The following CNTN3 variants were observed in gnomAD, a reference collection of about 807,000 sequenced individuals.
CNTN3 encodes the protein contactin 3, also known as contactin-3.
Under a neutral mutation model 119.1 loss-of-function variants are expected in CNTN3, and 60 were observed. The observed-to-expected ratio is 0.50, with a 90% CI of 0.41 to 0.62. The LOEUF is 0.62. CNTN3 is among the 20% of genes least tolerant of loss of function. The pLI, the probability that CNTN3 is intolerant of heterozygous loss-of-function variation, is 0.00. For synonymous variants in CNTN3, 450 were observed against 438.7 expected (o/e 1.03, Z -0.32); for missense variants, 1,101 against 1,242.4 (o/e 0.89, Z 1.71).
At chr3:74,455,872 G>C (rs11917860) in intron 4 of CNTN3, among the ~76,000 whole-genome samples, 5,254 of 152,092 alleles carry the variant, frequency 0.035, 303 homozygotes, top group African/African-American at 0.12. Flanking sequence ...ACCCAGGAGG[G>C]TCTGAAGCAA....
chr3:74,601,736 C>T (rs1213232452), intron 1 of CNTN3, among the ~76,000 whole-genome samples: 5 of 152,070 alleles, frequency 3.3e-5, no homozygotes, highest in Non-Finnish European at 7.4e-5. Flanking sequence ...CCACCCTTGA[C>T]TTGGGTTTGG....
At chr3:74,508,260 T>C (rs545429560) in intron 2 of CNTN3, among the ~76,000 whole-genome samples, 1 of 152,272 alleles carries the variant, frequency 6.6e-6, no homozygotes, top group South Asian at 2.1e-4. Context: ...TGTGAAGAAA[T>C]GCCTTGCTGC....
intron 1 of CNTN3, among the ~76,000 whole-genome samples, chr3:74,561,612 C>T (rs1251694368): frequency 6.6e-6 from 1 of 152,104 alleles, no homozygotes; most frequent in African/African-American, 2.4e-5. Context: ...CAGAAGTGTC[C>T]TTCTTCCCCT....
chr3:74,358,530 G>C (rs930898381), intron 11 of CNTN3, among the ~76,000 whole-genome samples: 3 of 150,962 alleles, frequency 2.0e-5, no homozygotes, highest in Middle Eastern at 3.5e-3. Flanking sequence ...GTATAAGGAA[G>C]AGTGTTGTAT....
intron 1 of CNTN3, among the ~76,000 whole-genome samples, chr3:74,551,431 A>C (rs1200601737): frequency 2.0e-5 from 3 of 152,040 alleles, no homozygotes; most frequent in Admixed American, 1.3e-4. Flanking sequence ...CAATATCCCC[A>C]ACCAGGGTGG....
chr3:74,299,353 C>A (rs1702407919), intron 17 of CNTN3, among the ~76,000 whole-genome samples: 1 of 152,148 alleles, frequency 6.6e-6, no homozygotes, highest in Non-Finnish European at 1.5e-5. Flanking sequence ...CTTTTTCCTA[C>A]TGATGATGTA....
chr3:74,427,908 G>C (rs1387247201), intron 4 of CNTN3, among the ~76,000 whole-genome samples: 1 of 152,040 alleles, frequency 6.6e-6, no homozygotes, highest in Non-Finnish European at 1.5e-5. Context: ...TAAATAAATG[G>C]AGACACATAC....
chr3:74,613,620 G>C (rs1705119201), intron 1 of CNTN3, among the ~76,000 whole-genome samples: 1 of 152,180 alleles, frequency 6.6e-6, no homozygotes, highest in Non-Finnish European at 1.5e-5. Context: ...GAGTTGTACG[G>C]AGCTTTGCAC....
intron 11 of CNTN3, among the ~76,000 whole-genome samples, chr3:74,359,451 T>C (rs1439594038): frequency 6.6e-6 from 1 of 152,120 alleles, no homozygotes; most frequent in Admixed American, 6.6e-5. Flanking sequence ...AATTTTTGTG[T>C]TCAAAAATCT....
At chr3:74,588,093 C>A (rs920540590) in intron 1 of CNTN3, among the ~76,000 whole-genome samples, 5 of 152,086 alleles carry the variant, frequency 3.3e-5, no homozygotes, top group African/African-American at 4.8e-5. Context: ...TGCTGGATTA[C>A]ATTTATTGAT....
chr3:74,604,745 G>A (rs553962034), intron 1 of CNTN3, among the ~76,000 whole-genome samples: 1 of 152,130 alleles, frequency 6.6e-6, no homozygotes, highest in African/African-American at 2.4e-5. Flanking sequence ...AGTATGGAGG[G>A]TCCTCAAATA....
At chr3:74,518,776 G>C (rs549787918) in intron 2 of CNTN3, among the ~76,000 whole-genome samples, 196 of 152,002 alleles carry the variant, frequency 1.3e-3, no homozygotes, top group African/African-American at 4.5e-3. Context: ...ACATAGAATG[G>C]AAGAATGCTA....
intron 1 of CNTN3, among the ~76,000 whole-genome samples, chr3:74,548,987 A>T (rs1271290972): frequency 6.6e-6 from 1 of 152,194 alleles, no homozygotes; most frequent in East Asian, 1.9e-4. Flanking sequence ...TAACATGGAC[A>T]TTCTACAGAA....
intron 11 of CNTN3, among the ~76,000 whole-genome samples, chr3:74,339,916 T>C (rs1440734371): frequency 6.6e-6 from 1 of 151,480 alleles, no homozygotes; most frequent in African/African-American, 2.4e-5. Flanking sequence ...GATAGATAGA[T>C]AGATAGATAG....
intron 1 of CNTN3, among the ~76,000 whole-genome samples, chr3:74,611,436 C>T (rs566182467): frequency 6.6e-6 from 1 of 152,138 alleles, no homozygotes. Context: ...GTGCATTTCT[C>T]CTGCAGCAAT....
At chr3:74,489,471 T>C (rs568661204) in intron 3 of CNTN3, among the ~76,000 whole-genome samples, 15 of 129,134 alleles carry the variant, frequency 1.2e-4, no homozygotes, top group African/African-American at 3.8e-4. Flanking sequence ...TCCCTTCCTC[T>C]CTCCCTCCCT....
intron 2 of CNTN3, among the ~76,000 whole-genome samples, chr3:74,508,660 T>C (rs1165225767): frequency 1.3e-5 from 2 of 151,984 alleles, no homozygotes; most frequent in Admixed American, 6.6e-5. Context: ...ACTTTTTTCC[T>C]TTATATTCTA....
chr3:74,277,114 C>A (rs1701898181), intron 20 of CNTN3, among the ~76,000 whole-genome samples: 1 of 152,084 alleles, frequency 6.6e-6, no homozygotes. Context: ...AGACCAATAA[C>A]AAGCAGTGAG....
chr3:74,420,714 A>C (rs1431429139), intron 5 of CNTN3, among the ~76,000 whole-genome samples: 1 of 152,180 alleles, frequency 6.6e-6, no homozygotes, highest in African/African-American at 2.4e-5. Context: ...GAGAATGGCA[A>C]CAGGGTGCTG....
Sources: gnomAD v4.1 joint callset for allele counts (sites outside exome capture counted in the v4.1 genomes callset) on GRCh38, gnomAD v4.1.1 for gene constraint, MANE v1.5 for transcripts, NCBI Gene and HGNC (gene_info 2026-07-23, HGNC 2026-07-21) for gene names.